Variants in GALNT17 observed in about 807,000 individuals in gnomAD.
GALNT17 encodes UDP-GalNAc:polypeptide N-acetylgalactosaminyltransferase-like 3.
GALNT17 carries 29 observed loss-of-function variants against 63.7 expected under a neutral mutation model. That is an observed-to-expected ratio of 0.46 (90% confidence interval 0.34 to 0.62). The LOEUF is 0.62. Among genes scored for constraint, GALNT17 ranks in the 20% least tolerant of loss-of-function variants. The pLI, the probability that GALNT17 is intolerant of heterozygous loss-of-function variation, is 0.01. For missense variants in GALNT17, 603 were observed against 799.6 expected, an observed-to-expected ratio of 0.75 and a Z score of 2.97; for synonymous variants, 305 against 318.3, an observed-to-expected ratio of 0.96 and a Z score of 0.45.
At chr7:71,687,303 T>A (rs181514439) in intron 9 of GALNT17, among the ~76,000 whole-genome samples, 1 of 152,336 alleles carries the variant, frequency 6.6e-6, no homozygotes, top group East Asian at 1.9e-4. Context: ...AAGCGATACA[T>A]CATCCAAACA....
At chr7:71,213,712 T>A (rs1334182614) in intron 1 of GALNT17, among the ~76,000 whole-genome samples, 1 of 152,256 alleles carries the variant, frequency 6.6e-6, no homozygotes, top group Non-Finnish European at 1.5e-5. Context: ...TCTTTTATAT[T>A]GGGTGTTATA....
chr7:71,180,427 A>G (rs567268901), intron 1 of GALNT17, among the ~76,000 whole-genome samples: 1 of 152,152 alleles, frequency 6.6e-6, no homozygotes, highest in East Asian at 1.9e-4. Flanking sequence ...GCACCCAGCT[A>G]ATGAGTTTTT....
At position 71,644,527 on chromosome 7, in the gene GALNT17, CA is replaced by C. The variant is rs58497593; in HGVS notation, c.1081-20862del. Among the ~76,000 whole-genome samples, 104 of 23,648 alleles carry C rather than the reference CA, an allele frequency of 4.4e-3. 2 individuals carry two copies. Among genetic ancestry groups the C allele is most frequent in the East Asian group, 0.026 (18 of 688 alleles). 15.5% of individuals were successfully genotyped at this position (23,648 alleles called of 152,430 possible). On this transcript the variant is annotated intron_variant, in intron 6 of 10. Coordinates refer to ENST00000333538, the MANE Select transcript of GALNT17 (RefSeq NM_022479.3). ...CTGGCGACAGAGCGAGACTCCATCT[CA>C]AAAAAAAAAAAAAAAAAAAAACAAA... is the stretch of plus-strand genomic sequence containing the variant.
Position 71,710,768 on chromosome 7 carries a change from G to A in GALNT17, c.1508G>A (p.Arg503His), listed in dbSNP as rs763825835. The stretch of plus-strand genomic sequence containing the variant: ...GCTCTGGTCTCTCGACAGCTTGCCC[G>A]CTACACCAAGGAAGGCTTCCTGCAC... ...PCHGWGPQLA[R>H]YTKEGFLHLG... is the part of the protein sequence containing the mutation. Residue 503 changes from arginine (R) to histidine (H), a missense_variant, in exon 10 of 11, where the codon CGC becomes CAC. Arg to His is a conservative substitution (Grantham distance 29). This residue lies in a region of GALNT17 where 336 missense variants were observed against 507.8 expected (regional missense o/e 0.66). Transcript: ENST00000333538. 3.1e-6 allele frequency: 5 copies of A among 1,611,916 alleles called. No homozygotes were observed. The highest frequency in any genetic ancestry group is 1.7e-5 in the Admixed American group (1 of 59,982).
intron 7 of GALNT17, among the ~76,000 whole-genome samples, chr7:71,668,268 G>A (rs894203648): frequency 5.9e-5 from 9 of 151,778 alleles, no homozygotes; most frequent in African/African-American, 2.2e-4. Flanking sequence ...TGTAATCCCA[G>A]CACTTTGGGA....
chr7:71,645,004 G>A (rs911711094), intron 6 of GALNT17, among the ~76,000 whole-genome samples: 3 of 152,090 alleles, frequency 2.0e-5, no homozygotes, highest in Admixed American at 6.6e-5. Context: ...TCCATGCAGT[G>A]GGAAAAAAGA....
At chr7:71,158,195 C>T (rs1412449713) in intron 1 of GALNT17, among the ~76,000 whole-genome samples, 6 of 150,778 alleles carry the variant, frequency 4.0e-5, no homozygotes, top group Non-Finnish European at 8.8e-5. Flanking sequence ...TTTATTTTTC[C>T]GAGGGACCTC....
At chr7:71,690,861 CAA>C (rs778975387) in intron 9 of GALNT17, among the ~76,000 whole-genome samples, 57 of 152,280 alleles carry the variant, frequency 3.7e-4, no homozygotes, top group Admixed American at 1.3e-3. Context: ...CAAACATGAA[CAA>C]AGAGTTGTTT....
intron 1 of GALNT17, among the ~76,000 whole-genome samples, chr7:71,213,812 C>G (rs1306374981): frequency 2.6e-5 from 4 of 152,120 alleles, no homozygotes; most frequent in Non-Finnish European, 5.9e-5. Context: ...AAATCCTGGC[C>G]ATTCCTCAAT....
intron 9 of GALNT17, among the ~76,000 whole-genome samples, chr7:71,696,602 C>A (rs899178928): frequency 1.3e-5 from 2 of 152,146 alleles, no homozygotes; most frequent in South Asian, 4.1e-4. Flanking sequence ...CTATAACCTG[C>A]GTATTCTAGT....
chr7:71,316,227 G>GATCAGGATCCTGATCTGTGGT (rs1791496723), intron 1 of GALNT17, among the ~76,000 whole-genome samples: 2 of 129,618 alleles, frequency 1.5e-5, no homozygotes, highest in African/African-American at 6.7e-5. Context: ...TGATCTGTGG[G>GATCAGGATCCTGATCTGTGGT]TCTGATCAGG....
intron 1 of GALNT17, among the ~76,000 whole-genome samples, chr7:71,197,016 A>G: frequency 6.6e-6 from 1 of 152,018 alleles, no homozygotes. Flanking sequence ...ATATGTTTAT[A>G]GAGTACATGA....
intron 4 of GALNT17, among the ~76,000 whole-genome samples, chr7:71,420,332 C>G (rs1414514093): frequency 1.3e-5 from 2 of 152,126 alleles, no homozygotes; most frequent in Non-Finnish European, 2.9e-5. Flanking sequence ...CTAACCAATT[C>G]AATTAGATCC....
intron 6 of GALNT17, among the ~76,000 whole-genome samples, chr7:71,607,332 G>T (rs980043279): frequency 2.0e-5 from 3 of 152,144 alleles, no homozygotes; most frequent in African/African-American, 7.2e-5. Context: ...GATGATGAAA[G>T]AATATGAATA....
chr7:71,341,054 G>A (rs1791997377), intron 2 of GALNT17, among the ~76,000 whole-genome samples: 1 of 151,980 alleles, frequency 6.6e-6, no homozygotes, highest in Admixed American at 6.6e-5. Flanking sequence ...ATAAATCATA[G>A]AATAAAAAAT....
At chr7:71,634,762 A>C (rs1044502270) in intron 6 of GALNT17, among the ~76,000 whole-genome samples, 4 of 151,412 alleles carry the variant, frequency 2.6e-5, no homozygotes, top group African/African-American at 4.9e-5. Context: ...TCAAAAAAAA[A>C]AAAAAAGAAA....
At chr7:71,564,278 CTTTTTT>C (rs10539122) in intron 5 of GALNT17, among the ~76,000 whole-genome samples, 12 of 98,010 alleles carry the variant, frequency 1.2e-4, no homozygotes, top group South Asian at 4.0e-4. Flanking sequence ...CTTTTCTTTT[CTTTTTT>C]TTTTTTTTTT....
intron 1 of GALNT17, among the ~76,000 whole-genome samples, chr7:71,134,976 C>G (rs1787756039): frequency 6.6e-6 from 1 of 150,422 alleles, no homozygotes; most frequent in Non-Finnish European, 1.5e-5. Flanking sequence ...CTTAGCCTCC[C>G]AAGTAGCTGG....
At chr7:71,475,191 C>G (rs570024600) in intron 5 of GALNT17, among the ~76,000 whole-genome samples, 2 of 152,224 alleles carry the variant, frequency 1.3e-5, no homozygotes, top group Admixed American at 6.5e-5. Flanking sequence ...GGACTGGCTT[C>G]ATGGAAGATA....
Sources: allele counts gnomAD v4.1 joint callset (sites outside exome capture counted in the v4.1 genomes callset), GRCh38; gene constraint gnomAD v4.1.1; regional missense constraint gnomAD v4.1.1; transcripts MANE v1.5; gene names NCBI Gene and HGNC (gene_info 2026-07-23, HGNC 2026-07-21).